The following JCAD variants were observed in gnomAD, a reference collection of about 807,000 sequenced individuals.
JCAD encodes junctional cadherin 5-associated protein.
Under a neutral mutation model 98.0 loss-of-function variants are expected in JCAD, and 40 were observed. That is an observed-to-expected ratio of 0.41 (90% CI 0.32 to 0.53). The LOEUF is 0.53. Among genes scored for constraint, JCAD ranks in the 20% least tolerant of loss-of-function variants. The pLI, the probability that JCAD is intolerant of heterozygous loss-of-function variation, is 0.31. For synonymous variants in JCAD, 691 were observed against 682.3 expected (o/e 1.01, Z -0.20); for missense variants, 1,705 against 1,738.1 (o/e 0.98, Z 0.34).
chr10:30,052,979 C>T (rs1837499128), intron 1 of JCAD, among the ~76,000 whole-genome samples: 1 of 151,996 alleles, frequency 6.6e-6, no homozygotes, highest in Admixed American at 6.5e-5. Context: ...GAACTTTTTT[C>T]CTTTTTAAAA....
chr10:30,104,013 T>C (rs1838518502), intron 1 of JCAD, among the ~76,000 whole-genome samples: 1 of 152,176 alleles, frequency 6.6e-6, no homozygotes, highest in South Asian at 2.1e-4. Flanking sequence ...ACCAAAAGAA[T>C]TGAACTCTAG....
chr10:30,022,317 C>G (rs1359001680), intron 3 of JCAD, among the ~76,000 whole-genome samples: 1 of 152,088 alleles, frequency 6.6e-6, no homozygotes, highest in Non-Finnish European at 1.5e-5. Context: ...AGAACAGATG[C>G]TTGAATTTAA....
chr10:30,092,162 A>G (rs1838294479), intron 1 of JCAD, among the ~76,000 whole-genome samples: 1 of 132,926 alleles, frequency 7.5e-6, no homozygotes, highest in South Asian at 2.6e-4. Context: ...AGTTCTTTAA[A>G]GTTTATCTAC....
chr10:30,027,669 G>A lies in JCAD; in HGVS notation c.2479C>T (p.Arg827Cys), dbSNP rs1436057463. 6.2e-7 allele frequency: 1 copy of A among 1,614,246 alleles called. No homozygotes were observed. The highest frequency in any genetic ancestry group is 8.5e-7 in the Non-Finnish European group (1 of 1,180,044). Residue 827 changes from arginine (R) to cysteine (C), a missense_variant, in exon 3 of 4, where the codon CGT becomes TGT. Physicochemically the swap from Arg to Cys is radical, Grantham distance 180. This residue lies in a region of JCAD where 1,278 missense variants were observed against 1,243.1 expected (regional missense o/e 1.03). Transcript: ENST00000375377. ...AACTGACTGATCAAATCCCAGGGAC[G>A]ACGGCTGACCGGTTTCAGGAGAAAC... is the stretch of plus-strand genomic sequence containing the variant. Reference protein sequence around the residue: ...GQFLLKPVSRRPWDLISQLES... With the variant: ...GQFLLKPVSRCPWDLISQLES...
rs1028336545 is a variant in JCAD at position 30,047,678 on chromosome 10, G to A, written c.135C>T (p.Asn45=). 52 of 1,614,088 alleles carry A rather than the reference G, an allele frequency of 3.2e-5. No homozygotes were observed. The highest frequency in any genetic ancestry group is 4.2e-5 in the Non-Finnish European group (50 of 1,180,054). Residue 45 remains asparagine (N), a synonymous_variant, in exon 2 of 4, where the codon AAC becomes AAT. Coordinates refer to ENST00000375377, the MANE Select transcript of JCAD (RefSeq NM_020848.4). The part of the protein sequence containing the change: ...TGTRAGQGLQ[N]GHEDGPAALA... ...GGGCCGCAGGGCCATCCTCATGCCC[G>A]TTCTGCAGGCCCTGGCCTGCTCGTG... is the stretch of plus-strand genomic sequence containing the variant.
chr10:30,084,655 G>GC (rs1838137879), intron 1 of JCAD, among the ~76,000 whole-genome samples: 1 of 152,186 alleles, frequency 6.6e-6, no homozygotes, highest in Admixed American at 6.5e-5. Context: ...TCTCAACCCT[G>GC]CTGGCCATCA....
At chr10:30,099,798 C>G (rs1299888464) in intron 1 of JCAD, among the ~76,000 whole-genome samples, 1 of 152,136 alleles carries the variant, frequency 6.6e-6, no homozygotes, top group Non-Finnish European at 1.5e-5. Context: ...GTAAACTTAA[C>G]TTCCTCGTAA....
intron 3 of JCAD, among the ~76,000 whole-genome samples, chr10:30,019,989 T>TAA (rs71023538): frequency 5.2e-5 from 7 of 133,962 alleles, no homozygotes; most frequent in East Asian, 2.2e-4. Flanking sequence ...GTGATTCACT[T>TAA]AAAAAAAAAA....
rs201392126 is a variant in JCAD, at chr10:30,026,704, C to T, written c.3444G>A (p.Arg1148=). 2.5e-4 allele frequency: 399 copies of T among 1,613,990 alleles called. 11 individuals carry two copies. The South Asian group carries it at 3.8e-3, about 16-fold the overall frequency. The change falls in exon 3 of 4, where the codon AGG becomes AGA. Residue 1148 remains arginine (R), a synonymous_variant. Transcript: ENST00000375377. ...GGCTCTTGGTCCAGCCGCACTTCCT[C>T]CTGCCATAAAAGGCATCAGTGGACA... The part of the protein sequence containing the change: ...PRVSTDAFYG[R]RKCGWTKSPL...
chr10:30,022,635 G>C (rs2132605789), intron 3 of JCAD, among the ~76,000 whole-genome samples: 1 of 152,304 alleles, frequency 6.6e-6, no homozygotes, highest in Non-Finnish European at 1.5e-5. Flanking sequence ...AGGCCCACAG[G>C]GGGCCACCTG....
chr10:30,097,398 C>G (rs1838388177), intron 1 of JCAD, among the ~76,000 whole-genome samples: 1 of 152,066 alleles, frequency 6.6e-6, no homozygotes, highest in African/African-American at 2.4e-5. Context: ...TCAAAGGAAG[C>G]CAATTCATTG....
At chr10:30,054,457 CT>C (rs1380665514) in intron 1 of JCAD, among the ~76,000 whole-genome samples, 1 of 151,726 alleles carries the variant, frequency 6.6e-6, no homozygotes, top group African/African-American at 2.4e-5. Context: ...ACTTTATATA[CT>C]TAATATTAAC....
intron 1 of JCAD, among the ~76,000 whole-genome samples, chr10:30,104,576 G>A (rs536911350): frequency 2.0e-4 from 30 of 152,262 alleles, no homozygotes; most frequent in African/African-American, 2.9e-4. Context: ...CCACTAGAGC[G>A]TCCAGGGAGG....
Position 30,015,524 on chromosome 10 carries a change from T to C in JCAD, c.*2359A>G, listed in dbSNP as rs964432962. 3.3e-5 allele frequency: 5 copies of C among 152,170 alleles called. No individual in the cohort carries two copies. Among genetic ancestry groups the C allele is most frequent in the Admixed American group, 2.0e-4 (3 of 15,278 alleles). 9.4% of individuals were successfully genotyped at this position (152,170 alleles called of 1,614,324 possible). A position where few individuals can be genotyped will look rare whatever the true frequency, so the allele number is the denominator to read the frequency against. ...ACAGTTAAAGTATAAATGTTGAAAA[T>C]TTCAACTTAATTCAGAATGGTTTCA... is the stretch of plus-strand genomic sequence containing the variant. On this transcript the variant is annotated 3_prime_UTR_variant, in exon 4 of 4. Coordinates refer to ENST00000375377, the MANE Select transcript of JCAD (RefSeq NM_020848.4).
Position 30,027,877 on chromosome 10 carries a change from G to A in JCAD, c.2271C>T (p.Ser757=). The A allele has an allele frequency of 6.2e-7, 1 of 1,614,230 alleles. No homozygotes were observed. Among genetic ancestry groups the A allele is most frequent in the Non-Finnish European group, 8.5e-7 (1 of 1,180,042 alleles). ...ARNLKGHRSL[S]PSSNSAFSRT... ...TTGAGAACGCACTGTTGCTGGATGG[G>A]CTGAGGGACCTGTGACCTTTCAGGT... is the stretch of plus-strand genomic sequence containing the variant. Residue 757 remains serine (S), a synonymous_variant, in exon 3 of 4, where the codon AGC becomes AGT. Transcript: ENST00000375377.
chr10:30,097,413 T>C (rs577376595), intron 1 of JCAD, among the ~76,000 whole-genome samples: 1 of 152,200 alleles, frequency 6.6e-6, no homozygotes, highest in African/African-American at 2.4e-5. Flanking sequence ...TCATTGAGTT[T>C]TCTATTTTTC....
At chr10:30,098,802 C>A (rs559456814) in intron 1 of JCAD, among the ~76,000 whole-genome samples, 1 of 152,276 alleles carries the variant, frequency 6.6e-6, no homozygotes, top group South Asian at 2.1e-4. Flanking sequence ...CCTTAAAATT[C>A]CACCCACTTC....
At chr10:30,085,325 T>A (rs913043557) in intron 1 of JCAD, among the ~76,000 whole-genome samples, 1 of 152,178 alleles carries the variant, frequency 6.6e-6, no homozygotes, top group Non-Finnish European at 1.5e-5. Context: ...ACATTTATCT[T>A]TTATTCATCC....
In JCAD at chr10:30,102,643, A is replaced by G. The variant is rs542915483; in HGVS notation, n.128+12724T>C. Among the ~76,000 whole-genome samples the G allele has an allele frequency of 4.9e-3, 740 of 152,316 alleles. 9 individuals are homozygous for G. The highest frequency in any genetic ancestry group is 0.017 in the African/African-American group (713 of 41,568). On this transcript the variant is annotated intron_variant and non_coding_transcript_variant, in intron 1 of 2. Transcript: ENST00000465712. The stretch of plus-strand genomic sequence containing the variant: ...AACCACCATGCTACTCTCTGCTTCT[A>G]TGAGTTTGACTATTTTAGATTCCTT...
Sources: allele counts gnomAD v4.1 joint callset (sites outside exome capture counted in the v4.1 genomes callset), GRCh38; gene constraint gnomAD v4.1.1; regional missense constraint gnomAD v4.1.1; transcripts MANE v1.5; gene names NCBI Gene and HGNC (gene_info 2026-07-23, HGNC 2026-07-21).